BFSP2: variants seen among roughly 807,000 people sequenced by gnomAD.
The protein encoded by BFSP2 is phakinin.
BFSP2 carries 38 observed loss-of-function variants against 44.9 expected under a neutral mutation model. The ratio of observed to expected loss-of-function variants is 0.85; its 90% CI spans 0.65 to 1.11. BFSP2 has a LOEUF of 1.11. Ranked by LOEUF, BFSP2 falls within the 50% of genes least tolerant of loss-of-function variation. BFSP2 has a pLI of 0.00. For missense variants in BFSP2, 525 were observed against 533.0 expected (o/e 0.99, Z 0.15); for synonymous variants, 197 against 209.9 (o/e 0.94, Z 0.53).
chr3:133,468,555 C>T (rs2074133007), intron 5 of BFSP2, among the ~76,000 whole-genome samples: 1 of 152,304 alleles, frequency 6.6e-6, no homozygotes, highest in African/African-American at 2.4e-5. Flanking sequence ...CTTTTTCTCT[C>T]TCCCTGTGAC....
At chr3:133,422,045 T>C (rs939406321) in intron 1 of BFSP2, among the ~76,000 whole-genome samples, 2 of 139,854 alleles carry the variant, frequency 1.4e-5, no homozygotes, top group Non-Finnish European at 3.0e-5. Flanking sequence ...AGGCAGAGGT[T>C]GCAGTGAGCC....
intron 1 of BFSP2, among the ~76,000 whole-genome samples, chr3:133,419,394 T>C (rs1243239844): frequency 1.3e-5 from 2 of 152,198 alleles, no homozygotes; most frequent in African/African-American, 4.8e-5. Context: ...GTGTTGTTTC[T>C]ACCCCTAAAA....
At chr3:133,413,813 T>C (rs182308177) in intron 1 of BFSP2, among the ~76,000 whole-genome samples, 114 of 152,102 alleles carry the variant, frequency 7.5e-4, no homozygotes, top group African/African-American at 2.5e-3. Context: ...ACTTGTCCTT[T>C]TTAGTTACAT....
intron 1 of BFSP2, chr3:133,404,869 A>C (rs1481401890): frequency 6.6e-6 from 1 of 152,170 alleles, no homozygotes; most frequent in Admixed American, 6.5e-5. Context: ...TAGAACCTCC[A>C]AGCCTCGCTA....
chr3:133,475,133 C>T lies in BFSP2; in HGVS notation c.*161C>T. The T allele has an allele frequency of 1.0e-6, 1 of 988,062 alleles. No homozygotes were observed. The highest frequency in any genetic ancestry group is 1.3e-5 in the South Asian group (1 of 75,536). The allele number at this position is 988,062 out of a possible 1,614,324, so 61.2% of individuals were successfully genotyped here. ...CCTGGAAGTGGAGAGGATCCTTCTG[C>T]TTTAATCTGAGTAGTCTGTAGCTTG... On this transcript the variant is annotated 3_prime_UTR_variant, in exon 7 of 7. Coordinates refer to ENST00000302334, the MANE Select transcript of BFSP2 (RefSeq NM_003571.4).
chr3:133,472,240 G>A, intron 5 of BFSP2, 105 bp from the exon 6 acceptor site: 1 of 1,277,472 alleles, frequency 7.8e-7, no homozygotes. Context: ...GCCACGAGGG[G>A]AATAGTCCAG....
At chr3:133,446,081 C>T (rs1405862458) in intron 1 of BFSP2, among the ~76,000 whole-genome samples, 10 of 152,092 alleles carry the variant, frequency 6.6e-5, no homozygotes, top group Admixed American at 6.6e-4. Context: ...CCCAGTGTGC[C>T]CCAGGCCAAG....
intron 1 of BFSP2, among the ~76,000 whole-genome samples, chr3:133,416,248 C>T (rs1176165958): frequency 2.1e-5 from 3 of 144,624 alleles, no homozygotes; most frequent in Admixed American, 1.4e-4. Flanking sequence ...ACCCTGCCCT[C>T]TCCCCTGTCC....
chr3:133,429,904 A>C (rs10935063), intron 1 of BFSP2, among the ~76,000 whole-genome samples: 25 of 150,142 alleles, frequency 1.7e-4, no homozygotes, highest in Admixed American at 4.6e-4. Flanking sequence ...ATCCCTCCCC[A>C]CTACCCCCAC....
chr3:133,427,149 C>G (rs78092789), intron 1 of BFSP2, among the ~76,000 whole-genome samples: 1 of 152,206 alleles, frequency 6.6e-6, no homozygotes, highest in African/African-American at 2.4e-5. Flanking sequence ...AAACTCCCAG[C>G]CATGCTGGTT....
At chr3:133,457,205 C>A (rs1025190375) in intron 4 of BFSP2, among the ~76,000 whole-genome samples, 4 of 152,206 alleles carry the variant, frequency 2.6e-5, no homozygotes, top group Admixed American at 1.3e-4. Flanking sequence ...TGGCTGGACT[C>A]CCTGAGGGCT....
chr3:133,450,147 A>G (rs1245209203), intron 3 of BFSP2, among the ~76,000 whole-genome samples, 156 bp from the exon 4 acceptor site: 2 of 152,170 alleles, frequency 1.3e-5, no homozygotes, highest in Non-Finnish European at 2.9e-5. Flanking sequence ...TACGCTGGGA[A>G]GAAGGTCAGG....
intron 1 of BFSP2, among the ~76,000 whole-genome samples, chr3:133,403,639 C>A (rs2073380106): frequency 1.3e-5 from 2 of 152,166 alleles, no homozygotes; most frequent in African/African-American, 4.8e-5. Flanking sequence ...TCAGAGCAGG[C>A]AACAATTTCC....
intron 1 of BFSP2, among the ~76,000 whole-genome samples, chr3:133,403,103 C>G (rs2073375330): frequency 6.6e-6 from 1 of 152,156 alleles, no homozygotes; most frequent in South Asian, 2.1e-4. Context: ...CAGGCCCCCA[C>G]CCCTTTCCAG....
At position 133,472,552 on chromosome 3, in the gene BFSP2, A is replaced by G. The variant is rs748778926; in HGVS notation, c.1231A>G (p.Arg411Gly). 1.2e-5 allele frequency: 19 copies of G among 1,611,924 alleles called. No individual in the cohort carries two copies. In the East Asian group the frequency reaches 2.9e-4, roughly 25 times the overall value. ...GGCGTCCTACCACGCCCTGCTGGAC[A>G]GGGAGGAGAGCGGGTAAGCCTCGCT... ...DVASYHALLDREESG is the reference protein window; with the variant it reads ...DVASYHALLDGEESG The change falls in exon 6 of 7, where the codon AGG becomes GGG. Residue 411 changes from arginine to glycine, a missense_variant. By Grantham distance (125) the Arg-to-Gly change is moderately radical. Transcript: ENST00000302334.
At chr3:133,458,944 T>C (rs2074037583) in intron 4 of BFSP2, among the ~76,000 whole-genome samples, 1 of 152,160 alleles carries the variant, frequency 6.6e-6, no homozygotes, top group Non-Finnish European at 1.5e-5. Context: ...ATGCTATGGT[T>C]CCTGAAGTCC....
At chr3:133,432,094 T>G (rs11707603) in intron 1 of BFSP2, among the ~76,000 whole-genome samples, 127,299 of 151,848 alleles carry the variant, frequency 0.84, 53,780 homozygotes, top group Middle Eastern at 0.95. Context: ...CCCTTACCCC[T>G]CTCAACGCCA....
intron 1 of BFSP2, among the ~76,000 whole-genome samples, chr3:133,440,134 C>A (rs2073830160): frequency 6.6e-6 from 1 of 152,164 alleles, no homozygotes; most frequent in South Asian, 2.1e-4. Context: ...GGCAAGAGAC[C>A]ATGTGCAGGG....
chr3:133,427,652 A>T lies in BFSP2; in HGVS notation c.490-19665A>T, dbSNP rs1056041032. Among the ~76,000 whole-genome samples, 9 of 152,236 alleles carry T rather than the reference A, an allele frequency of 5.9e-5. No homozygotes were observed. In the East Asian group the frequency reaches 1.7e-3, roughly 29 times the overall value. ...TTGAGGATTCTTTCATGATTCTTCC[A>T]GTAGGACATCAGACACATCCATCCT... is the stretch of plus-strand genomic sequence containing the variant. On this transcript the variant is annotated intron_variant, in intron 1 of 6. Coordinates refer to ENST00000302334, the MANE Select transcript of BFSP2 (RefSeq NM_003571.4).
Sources: allele counts gnomAD v4.1 joint callset (sites outside exome capture counted in the v4.1 genomes callset), GRCh38; gene constraint gnomAD v4.1.1; transcripts MANE v1.5; gene names NCBI Gene and HGNC (gene_info 2026-07-23, HGNC 2026-07-21).